CGGBP1: variants seen among roughly 807,000 people sequenced by gnomAD.
CGGBP1 encodes CGG triplet repeat binding protein 1, also known as CGG triplet repeat-binding protein 1.
In CGGBP1, 4 loss-of-function variants were observed where a neutral mutation model predicts 11.4. The observed-to-expected ratio is 0.35, with a 90% CI of 0.17 to 0.80. The LOEUF (loss-of-function observed/expected upper bound fraction) is 0.80, where lower values mean the gene tolerates loss of function less well. Among genes scored for constraint, CGGBP1 ranks in the 30% least tolerant of loss-of-function variants. The pLI is 0.52. For synonymous variants in CGGBP1, 76 were observed against 74.1 expected, an observed-to-expected ratio of 1.03 and a Z score of -0.13; for missense variants, 135 against 202.1, an observed-to-expected ratio of 0.67 and a Z score of 2.01.
At chr3:88,101,205 T>C (rs1704402156) in intron 2 of CGGBP1, among the ~76,000 whole-genome samples, 1 of 152,188 alleles carries the variant, frequency 6.6e-6, no homozygotes, top group African/African-American at 2.4e-5. Context: ...TATAGAGTTG[T>C]GCAACCATTA....
chr3:88,135,331 A>C, intron 2 of CGGBP1: 2 of 662,776 alleles, frequency 3.0e-6, no homozygotes, highest in Non-Finnish European at 4.5e-6. Flanking sequence ...CACATTCTCC[A>C]TACATTACAT....
At chr3:88,134,025 G>A (rs551291337) in intron 2 of CGGBP1, among the ~76,000 whole-genome samples, 115 of 151,670 alleles carry the variant, frequency 7.6e-4, no homozygotes, top group African/African-American at 2.7e-3. Context: ...ACCCAGGCAT[G>A]AAAACTGGAA....
rs150477952 is a variant in CGGBP1, at chr3:88,106,800, T to C, written c.-229+34170A>G. On this transcript the variant is annotated intron_variant, in intron 2 of 3. Coordinates refer to the CGGBP1 transcript ENST00000462901. ...TAAACATTTCTCAGTAACCAAGTTA[T>C]ATGAGGATTTTTTTTTCTGATATTT... Among the ~76,000 whole-genome samples, 352 of 152,334 alleles carry C rather than the reference T, an allele frequency of 2.3e-3. 2 individuals carry two copies. Among genetic ancestry groups the C allele is most frequent in the African/African-American group, 7.8e-3 (326 of 41,578 alleles).
chr3:88,146,594 T>TA (rs761436158), intron 1 of CGGBP1, among the ~76,000 whole-genome samples: 17 of 152,200 alleles, frequency 1.1e-4, no homozygotes, highest in Non-Finnish European at 1.9e-4. Context: ...ATCCCATTGA[T>TA]ACAGAATTTT....
At chr3:88,059,265 T>C (rs533684805), upstream of CGGBP1, 25 of 1,531,802 alleles carry the variant, frequency 1.6e-5, no homozygotes, top group Non-Finnish European at 2.2e-5. Context: ...AGCCTAGGCA[T>C]CTACGGCGGC....
intron 2 of CGGBP1, among the ~76,000 whole-genome samples, chr3:88,114,331 G>A (rs1479477029): frequency 6.6e-6 from 1 of 152,140 alleles, no homozygotes; most frequent in Non-Finnish European, 1.5e-5. Context: ...CTGATAATGG[G>A]AACCACTGAA....
intron 2 of CGGBP1, among the ~76,000 whole-genome samples, chr3:88,123,693 A>G (rs1705917880): frequency 6.6e-6 from 1 of 152,206 alleles, no homozygotes; most frequent in East Asian, 1.9e-4. Context: ...TCTAAGTCCC[A>G]TAGTACTGAC....
intron 2 of CGGBP1, among the ~76,000 whole-genome samples, chr3:88,134,433 C>T (rs1345096253): frequency 1.3e-5 from 2 of 151,998 alleles, no homozygotes; most frequent in Non-Finnish European, 2.9e-5. Flanking sequence ...TATATCAGCT[C>T]TATCATATGA....
In CGGBP1 at chr3:88,055,397, A is replaced by T. The variant is rs1417660935; in HGVS notation, c.*76T>A. ...ACATGATTTTAAATGAAATAAATAC[A>T]AAAATGAACCACACAATCAACACAT... On this transcript the variant is annotated 3_prime_UTR_variant, in exon 4 of 4. Transcript: ENST00000482016. This position sits in a 1 kb window ranked among gnomAD's most constrained non-coding sequence, Gnocchi z 4.2. The T allele has an allele frequency of 7.5e-7, 1 of 1,325,512 alleles. No homozygotes were observed. Among genetic ancestry groups the T allele is most frequent in the African/African-American group, 1.5e-5 (1 of 68,242 alleles). 82.1% of individuals were successfully genotyped at this position (1,325,512 alleles called of 1,614,324 possible).
At chr3:88,114,420 T>G (rs1445449318) in intron 2 of CGGBP1, among the ~76,000 whole-genome samples, 2 of 152,168 alleles carry the variant, frequency 1.3e-5, no homozygotes, top group African/African-American at 4.8e-5. Context: ...AAGGGATATA[T>G]CCTTTATTTT....
At chr3:88,059,293 T>A (rs1482738058), upstream of CGGBP1, 1 of 1,532,372 alleles carries the variant, frequency 6.5e-7, no homozygotes. Context: ...GCGCAGGGGC[T>A]GGTACGCGCT....
At position 88,092,488 on chromosome 3, in the gene CGGBP1, A is replaced by G. The variant is rs531353854; in HGVS notation, c.-228-34265T>C. 7.9e-5 allele frequency among the ~76,000 whole-genome samples: 12 copies of G among 152,292 alleles called. No individual in the cohort carries two copies. The South Asian group carries it at 1.0e-3, about 13-fold the overall frequency. The stretch of plus-strand genomic sequence containing the variant: ...TCAGCAAAAATGTGCTGGGTGAGCT[A>G]ACTTGCTGTACTCTGAAGGAATGAC... On this transcript the variant is annotated intron_variant, in intron 2 of 3. Coordinates refer to the CGGBP1 transcript ENST00000462901.
chr3:88,140,244 C>T (rs764652681), intron 2 of CGGBP1: 6 of 1,613,184 alleles, frequency 3.7e-6, no homozygotes, highest in Non-Finnish European at 5.1e-6. Context: ...TGAAGATCTT[C>T]CTCTGCTGTA....
chr3:88,074,816 A>T (rs1346250211), intron 2 of CGGBP1, among the ~76,000 whole-genome samples: 4 of 152,202 alleles, frequency 2.6e-5, no homozygotes, highest in African/African-American at 9.7e-5. Context: ...AGGACGATGG[A>T]TGCACAGAAA....
chr3:88,059,018 A>C, upstream of CGGBP1: 1 of 413,728 alleles, frequency 2.4e-6, no homozygotes. Context: ...CAGAGCCCGT[A>C]GGCGGTCCCC....
intron 1 of CGGBP1, among the ~76,000 whole-genome samples, chr3:88,145,344 G>A (rs575593793): frequency 3.3e-4 from 50 of 152,176 alleles, no homozygotes; most frequent in African/African-American, 1.2e-3. Context: ...GGGATAAAAT[G>A]ATTTGTGCAT....
chr3:88,100,226 T>C (rs964473345), intron 2 of CGGBP1, among the ~76,000 whole-genome samples: 2 of 152,194 alleles, frequency 1.3e-5, no homozygotes, highest in Non-Finnish European at 2.9e-5. Context: ...GAAAAAATGC[T>C]CATCATCACT....
intron 2 of CGGBP1, chr3:88,138,636 T>TTAA (rs1200427349): frequency 2.1e-6 from 2 of 952,970 alleles, no homozygotes; most frequent in African/African-American, 3.4e-5. Context: ...TTGTGTTTTT[T>TTAA]AAAGATAGAC....
intron 2 of CGGBP1, among the ~76,000 whole-genome samples, chr3:88,116,705 C>G (rs1705428208): frequency 1.3e-5 from 2 of 151,842 alleles, no homozygotes; most frequent in South Asian, 4.2e-4. Flanking sequence ...AAACTAAATG[C>G]AGCCAGCCCC....
Sources: gnomAD v4.1 joint callset for allele counts (sites outside exome capture counted in the v4.1 genomes callset) on GRCh38, gnomAD v4.1.1 for gene constraint, Gnocchi (gnomAD v3.1) non-coding constraint, MANE v1.5 for transcripts, NCBI Gene and HGNC (gene_info 2026-07-23, HGNC 2026-07-21) for gene names.